BBS9: variants seen among roughly 807,000 people sequenced by gnomAD.
The protein encoded by BBS9 is protein PTHB1.
In BBS9, 89 loss-of-function variants were observed where a neutral mutation model predicts 117.7. That is an observed-to-expected ratio of 0.76 (90% CI 0.64 to 0.90). The LOEUF is 0.90. Ranked by LOEUF, BBS9 falls within the 40% of genes least tolerant of loss-of-function variation. The pLI is 0.00. For synonymous variants in BBS9, 379 were observed against 370.9 expected (o/e 1.02, Z -0.25); for missense variants, 982 against 1,042.2 (o/e 0.94, Z 0.80).
chr7:33,555,492 G>C (rs1855155186), intron 21 of BBS9, among the ~76,000 whole-genome samples: 1 of 152,156 alleles, frequency 6.6e-6, no homozygotes, highest in South Asian at 2.1e-4. Context: ...TAGTATGAAG[G>C]CAAGAGATGA....
intron 19 of BBS9, among the ~76,000 whole-genome samples, chr7:33,415,920 G>A (rs1026274153): frequency 2.6e-5 from 4 of 152,070 alleles, no homozygotes; most frequent in South Asian, 2.1e-4. Flanking sequence ...CTGCAGCCTC[G>A]ACCTCCCTGG....
intron 6 of BBS9, among the ~76,000 whole-genome samples, chr7:33,261,415 G>C (rs558311831): frequency 3.3e-5 from 5 of 152,264 alleles, no homozygotes; most frequent in Admixed American, 3.3e-4. Flanking sequence ...TATAAAGAAA[G>C]CTTCTGTTTT....
chr7:33,629,933 C>T (rs1448821806), intron 21 of BBS9, among the ~76,000 whole-genome samples: 1 of 152,172 alleles, frequency 6.6e-6, no homozygotes, highest in Non-Finnish European at 1.5e-5. Context: ...ATTTAAAAGA[C>T]TTTAAAAGGC....
intron 9 of BBS9, among the ~76,000 whole-genome samples, chr7:33,334,216 T>A (rs1361576480): frequency 1.3e-5 from 2 of 152,222 alleles, no homozygotes; most frequent in East Asian, 3.8e-4. Flanking sequence ...ATTGATGGAA[T>A]AAAACTGATT....
At chr7:33,524,459 C>A (rs1182249077) in intron 20 of BBS9, among the ~76,000 whole-genome samples, 7 of 152,188 alleles carry the variant, frequency 4.6e-5, no homozygotes, top group Admixed American at 3.9e-4. Context: ...GATTCAACTT[C>A]TTCCTGGTTT....
At chr7:33,285,407 C>T (rs545659391) in intron 9 of BBS9, among the ~76,000 whole-genome samples, 1 of 152,210 alleles carries the variant, frequency 6.6e-6, no homozygotes, top group East Asian at 1.9e-4. Context: ...GATGAAGGAA[C>T]AGAATTATGT....
chr7:33,397,903 C>T (rs1245696754), intron 19 of BBS9, among the ~76,000 whole-genome samples: 1 of 151,882 alleles, frequency 6.6e-6, no homozygotes, highest in African/African-American at 2.4e-5. Flanking sequence ...TTGATCTGTG[C>T]AACAAACCAC....
intron 21 of BBS9, among the ~76,000 whole-genome samples, chr7:33,546,089 G>A (rs184878806): frequency 0.029 from 4,334 of 151,230 alleles, 88 homozygotes; most frequent in Middle Eastern, 0.048. Flanking sequence ...GCCTGCCACC[G>A]CGCCTGGCTA....
At chr7:33,171,493 A>G (rs1377467875) in intron 4 of BBS9, among the ~76,000 whole-genome samples, 2 of 152,248 alleles carry the variant, frequency 1.3e-5, no homozygotes, top group Non-Finnish European at 2.9e-5. Context: ...TATATCAACT[A>G]AAATTTTAAC....
chr7:33,502,807 C>G (rs1845632902), intron 19 of BBS9, among the ~76,000 whole-genome samples: 1 of 152,172 alleles, frequency 6.6e-6, no homozygotes, highest in Admixed American at 6.6e-5. Context: ...AGTTTGAATC[C>G]TGTTCTTTCA....
chr7:33,470,106 G>T (rs563404044), intron 19 of BBS9, among the ~76,000 whole-genome samples: 32 of 152,244 alleles, frequency 2.1e-4, no homozygotes, highest in Middle Eastern at 3.4e-3. Flanking sequence ...TTGGAATTGA[G>T]GACTTACTAC....
intron 9 of BBS9, among the ~76,000 whole-genome samples, chr7:33,309,613 T>A (rs17170178): frequency 0.12 from 17,996 of 152,192 alleles, 1,288 homozygotes; most frequent in African/African-American, 0.2. Flanking sequence ...GACCAGGTTT[T>A]TGAGAAAGAA....
chr7:33,607,712 TTGA>T (rs967763541), downstream of BBS9, among the ~76,000 whole-genome samples: 11 of 152,210 alleles, frequency 7.2e-5, no homozygotes, highest in African/African-American at 2.4e-4. Flanking sequence ...TCTGAAATTG[TTGA>T]TCAGACTTTT....
At chr7:33,349,356 G>T (rs1414251147) in intron 13 of BBS9, 186 bp downstream of exon 13, 1 of 630,584 alleles carries the variant, frequency 1.6e-6, no homozygotes, top group South Asian at 1.5e-5. Flanking sequence ...ATCAATGATT[G>T]TTGGGTCAAA....
chr7:33,254,790 T>G (rs1796763802), intron 5 of BBS9, among the ~76,000 whole-genome samples: 1 of 152,172 alleles, frequency 6.6e-6, no homozygotes, highest in African/African-American at 2.4e-5. Flanking sequence ...CTTATTTCAT[T>G]TAGCATGATG....
rs1851171030 is a variant in BBS9 at position 33,535,087 on chromosome 7, TAA to T, written c.2521+914_2521+915del. Among the ~76,000 whole-genome samples, 2 of 152,174 alleles carry T rather than the reference TAA, an allele frequency of 1.3e-5. 1 individual carries two copies. Among genetic ancestry groups the T allele is most frequent in the South Asian group, 4.1e-4 (2 of 4,826 alleles). On this transcript the variant is annotated intron_variant, in intron 21 of 22. Coordinates refer to ENST00000242067, the MANE Select transcript of BBS9 (RefSeq NM_198428.3). The stretch of plus-strand genomic sequence containing the variant: ...GTGAAAAGGAATGCAAGTGAAATTG[TAA>T]AAGATAAACATGGAGACAGCATAGC...
intron 21 of BBS9, among the ~76,000 whole-genome samples, chr7:33,632,372 A>G (rs1865931644): frequency 6.6e-6 from 1 of 152,174 alleles, no homozygotes; most frequent in African/African-American, 2.4e-5. Flanking sequence ...GTGTGAATGG[A>G]AAGGCTTTGT....
intron 19 of BBS9, among the ~76,000 whole-genome samples, chr7:33,486,977 G>T (rs914327047): frequency 1.3e-5 from 2 of 152,232 alleles, no homozygotes; most frequent in African/African-American, 2.4e-5. Flanking sequence ...CCCCACTGGG[G>T]TATCTTCGTA....
chr7:33,309,494 A>G (rs1461960101), intron 9 of BBS9, among the ~76,000 whole-genome samples: 3 of 152,210 alleles, frequency 2.0e-5, no homozygotes, highest in African/African-American at 7.2e-5. Flanking sequence ...TGATTTGGTG[A>G]CTTTTTATAT....
Sources: gnomAD v4.1 joint callset for allele counts (sites outside exome capture counted in the v4.1 genomes callset) on GRCh38, gnomAD v4.1.1 for gene constraint, MANE v1.5 for transcripts, NCBI Gene and HGNC (gene_info 2026-07-23, HGNC 2026-07-21) for gene names.